SAMD15: variants seen among roughly 807,000 people sequenced by gnomAD.
SAMD15 encodes the protein sterile alpha motif domain-containing protein 15.
In SAMD15, 37 loss-of-function variants were observed where a neutral mutation model predicts 50.5. That is an observed-to-expected ratio of 0.73 (90% CI 0.56 to 0.96). The LOEUF (loss-of-function observed/expected upper bound fraction) is 0.96, where lower values mean the gene tolerates loss of function less well. Among genes scored for constraint, SAMD15 ranks in the 40% least tolerant of loss-of-function variants. The pLI is 0.00. For missense variants in SAMD15, 789 were observed against 783.8 expected (o/e 1.01, Z -0.08); for synonymous variants, 255 against 282.8 (o/e 0.90, Z 0.99).
chr14:77,378,995 A>G lies in SAMD15; in HGVS notation c.1577A>G (p.Glu526Gly), dbSNP rs1490517990. ...CAAGAGTTGAAGGAACGGGTCTCTGAAGATGACGAAACCCAGCCAGAAAAA... is the reference window on the plus strand; with the variant it reads ...CAAGAGTTGAAGGAACGGGTCTCTGGAGATGACGAAACCCAGCCAGAAAAA... Reference protein sequence around the residue: ...LSQELKERVSEDDETQPEKGT... With the variant: ...LSQELKERVSGDDETQPEKGT... The change falls in exon 1 of 3, where the codon GAA becomes GGA. Residue 526 changes from glutamate to glycine, a missense_variant. Transcript: ENST00000216471. 6.2e-7 allele frequency: 1 copy of G among 1,614,116 alleles called. No homozygotes were observed. Among genetic ancestry groups the G allele is most frequent in the African/African-American group, 1.3e-5 (1 of 74,946 alleles).
chr14:77,381,011 C>A (rs1893937353), intron 2 of SAMD15, among the ~76,000 whole-genome samples: 1 of 152,076 alleles, frequency 6.6e-6, no homozygotes. Flanking sequence ...CTGGTGCGTT[C>A]TTCTCTCTAT....
At chr14:77,389,412 C>G (rs1566702340) in intron 2 of SAMD15, among the ~76,000 whole-genome samples, 1 of 151,750 alleles carries the variant, frequency 6.6e-6, no homozygotes, top group Non-Finnish European at 1.5e-5. Flanking sequence ...GGACTGTCGT[C>G]TCATCCAGAG....
chr14:77,380,965 A>C (rs1010938269), intron 2 of SAMD15, among the ~76,000 whole-genome samples: 1 of 152,100 alleles, frequency 6.6e-6, no homozygotes, highest in African/African-American at 2.4e-5. Context: ...TTTGTGCTCC[A>C]GCCTACCACC....
intron 2 of SAMD15, among the ~76,000 whole-genome samples, chr14:77,382,716 T>G (rs1893958424): frequency 1.3e-5 from 2 of 150,356 alleles, no homozygotes; most frequent in African/African-American, 5.0e-5. Flanking sequence ...ATCCTTTATT[T>G]ATTTTATTTA....
rs1594864520 is a variant in SAMD15, at chr14:77,391,677, G to C, written c.*433G>C. ...TGGCTTCATTCCTAGTTGTGTCTCT[G>C]ACTTATGGTACCCTCCCTTTCTTTT... On this transcript the variant is annotated 3_prime_UTR_variant, in exon 3 of 3. Coordinates refer to ENST00000216471, the MANE Select transcript of SAMD15 (RefSeq NM_001010860.4). Among the ~76,000 whole-genome samples the C allele has an allele frequency of 6.6e-6, 1 of 152,208 alleles. No homozygotes were observed. The highest frequency in any genetic ancestry group is 3.4e-3 in the Middle Eastern group (1 of 294).
Position 77,390,231 on chromosome 14 carries a change from G to A in SAMD15, c.1789-777G>A, listed in dbSNP as rs181269325. Among the ~76,000 whole-genome samples, 96 of 151,590 alleles carry A rather than the reference G, an allele frequency of 6.3e-4. 1 individual carries two copies. The highest frequency in any genetic ancestry group is 2.1e-3 in the African/African-American group (85 of 41,356). Reference sequence around the variant, plus strand: ...GACTGTTCTCGAACTCCTGACTTCCGGTGATCTGCCCGCCTCTGCCTCCCA... The same window carrying A: ...GACTGTTCTCGAACTCCTGACTTCCAGTGATCTGCCCGCCTCTGCCTCCCA... On this transcript the variant is annotated intron_variant, in intron 2 of 2. Coordinates refer to ENST00000216471, the MANE Select transcript of SAMD15 (RefSeq NM_001010860.4).
At chr14:77,388,846 T>TG (rs888194953) in intron 2 of SAMD15, among the ~76,000 whole-genome samples, 28 of 152,202 alleles carry the variant, frequency 1.8e-4, no homozygotes, top group African/African-American at 6.5e-4. Flanking sequence ...TGACCTCAGG[T>TG]GATCCACCTG....
chr14:77,385,452 AT>A (rs1291162028), intron 2 of SAMD15, among the ~76,000 whole-genome samples: 3 of 150,926 alleles, frequency 2.0e-5, no homozygotes, highest in Admixed American at 2.0e-4. Flanking sequence ...TACCTGGCCA[AT>A]TTTTTTTGTA....
chr14:77,383,559 A>T (rs1324881268), intron 2 of SAMD15, among the ~76,000 whole-genome samples: 2 of 152,234 alleles, frequency 1.3e-5, no homozygotes, highest in African/African-American at 4.8e-5. Flanking sequence ...TGAGATACTC[A>T]TTATCACAGT....
rs539219101 is a variant in SAMD15 at position 77,378,123 on chromosome 14, G to A, written c.705G>A (p.Met235Ile). The change falls in exon 1 of 3, where the codon ATG becomes ATA. Residue 235 changes from methionine (M) to isoleucine (I), a missense_variant. Transcript: ENST00000216471. The part of the protein sequence containing the change: ...LEETDLQPPK[M>I]TKPETPEETQ... The stretch of plus-strand genomic sequence containing the variant: ...AGACAGATCTTCAGCCACCAAAGAT[G>A]ACCAAACCAGAGACTCCAGAGGAGA... 1 of 1,613,784 alleles carries A rather than the reference G, an allele frequency of 6.2e-7. No homozygotes were observed. The highest frequency in any genetic ancestry group is 1.3e-5 in the African/African-American group (1 of 74,978).
At position 77,380,452 on chromosome 14, in the gene SAMD15, A is replaced by T. The variant is rs1244703279; in HGVS notation, c.1759A>T (p.Met587Leu). The part of the protein sequence containing the change: ...IHVNCSNLPQ[M>L]GITNFEDMKA... ...CGTCAACTGCTCAAACCTCCCTCAG[A>T]TGGGGATAACAAACTTTGAGGACAT... The change falls in exon 2 of 3, where the codon ATG (methionine) becomes TTG (leucine). Residue 587 changes from methionine to leucine, a missense_variant. By Grantham distance (15) the Met-to-Leu change is conservative. This residue lies in a region of SAMD15 where 770 missense variants were observed against 745.4 expected (regional missense o/e 1.03). Transcript: ENST00000216471. The T allele has an allele frequency of 1.9e-6, 3 of 1,613,794 alleles. No individual in the cohort carries two copies.
At chr14:77,382,569 A>T (rs926725851) in intron 2 of SAMD15, among the ~76,000 whole-genome samples, 27 of 152,070 alleles carry the variant, frequency 1.8e-4, no homozygotes, top group African/African-American at 6.5e-4. Context: ...TTATATTCAG[A>T]TAACAAGTTT....
intron 1 of SAMD15, 115 bp downstream of exon 1, chr14:77,379,222 G>C (rs1893913558): frequency 1.0e-6 from 1 of 953,676 alleles, no homozygotes; most frequent in African/African-American, 1.6e-5. Context: ...AAAAGTCCTA[G>C]ACTGTGGTAG....
chr14:77,377,966 T>C lies in SAMD15; in HGVS notation c.548T>C (p.Leu183Ser). The C allele has an allele frequency of 6.2e-7, 1 of 1,613,942 alleles. No homozygotes were observed. Among genetic ancestry groups the C allele is most frequent in the Non-Finnish European group, 8.5e-7 (1 of 1,180,004 alleles). Reference sequence around the variant, plus strand: ...ACAGTCAGAGAGAGAAATTTAGAATTACTAGAGGAGGAGACTGAACCGGGG... The same window carrying C: ...ACAGTCAGAGAGAGAAATTTAGAATCACTAGAGGAGGAGACTGAACCGGGG... ...GATVRERNLELLEEETEPGVP... is the reference protein window; with the variant it reads ...GATVRERNLESLEEETEPGVP... The change falls in exon 1 of 3, where the codon TTA (leucine) becomes TCA (serine). Residue 183 changes from leucine to serine, a missense_variant. By Grantham distance (145) the Leu-to-Ser change is moderately radical (BLOSUM62 -2). Around this residue, in one of 2 missense-constraint regions of SAMD15, gnomAD observed 770 missense variants for 745.4 expected, o/e 1.03. Coordinates refer to ENST00000216471, the MANE Select transcript of SAMD15 (RefSeq NM_001010860.4).
chr14:77,377,987 C>T lies in SAMD15; in HGVS notation c.569C>T (p.Pro190Leu), dbSNP rs1352273199. The stretch of plus-strand genomic sequence containing the variant: ...GAATTACTAGAGGAGGAGACTGAAC[C>T]GGGGGTTCCAGAGGAATCACTTAGA... ...NLELLEEETE[P>L]GVPEESLRVQ... Residue 190 changes from proline (P) to leucine (L), a missense_variant, in exon 1 of 3, where the codon CCG (proline) becomes CTG (leucine). Transcript: ENST00000216471. 5.6e-6 allele frequency: 9 copies of T among 1,613,880 alleles called. No individual in the cohort carries two copies. The highest frequency in any genetic ancestry group is 1.6e-4 in the Middle Eastern group (1 of 6,062).
At chr14:77,384,203 C>T (rs1893979723) in intron 2 of SAMD15, among the ~76,000 whole-genome samples, 2 of 152,038 alleles carry the variant, frequency 1.3e-5, no homozygotes, top group South Asian at 4.1e-4. Context: ...CATTTATGGA[C>T]TTTTGGGAGA....
In SAMD15 at chr14:77,378,788, A is replaced by G. The variant is rs1479776361; in HGVS notation, c.1370A>G (p.Lys457Arg). 7 of 1,612,176 alleles carry G rather than the reference A, an allele frequency of 4.3e-6. 1 individual carries two copies. In the South Asian group the frequency reaches 6.6e-5, roughly 15 times the overall value. ...TTGTCACTAAGTGACAAATTTAGAAAAGAATATTACGCATTAGGATCTCTC... is the reference window on the plus strand; with the variant it reads ...TTGTCACTAAGTGACAAATTTAGAAGAGAATATTACGCATTAGGATCTCTC... Reference protein sequence around the residue: ...GKLSLSDKFRKEYYALGSLRE... With the variant: ...GKLSLSDKFRREYYALGSLRE... The change falls in exon 1 of 3, where the codon AAA becomes AGA. Residue 457 changes from lysine (K) to arginine (R), a missense_variant. Physicochemically the swap from Lys to Arg is conservative, Grantham distance 26. Transcript: ENST00000216471.
At position 77,378,333 on chromosome 14, in the gene SAMD15, T is replaced by C; in HGVS notation, c.915T>C (p.Pro305=). 1.2e-6 allele frequency: 2 copies of C among 1,612,106 alleles called. No homozygotes were observed. The highest frequency in any genetic ancestry group is 1.7e-6 in the Non-Finnish European group (2 of 1,179,566). ...KATEEKGTEL[P]ERTKPDFPDH... is the part of the protein sequence containing the mutation. ...CTGAGGAGAAAGGGACAGAACTACCTGAGCGGACTAAACCAGACTTTCCAG... is the reference window on the plus strand; with the variant it reads ...CTGAGGAGAAAGGGACAGAACTACCCGAGCGGACTAAACCAGACTTTCCAG... The change falls in exon 1 of 3, where the codon CCT becomes CCC. Residue 305 remains proline, a synonymous_variant. Coordinates refer to ENST00000216471, the MANE Select transcript of SAMD15 (RefSeq NM_001010860.4).
chr14:77,379,152 C>T lies in SAMD15; in HGVS notation c.1689+45C>T. 3 of 1,561,974 alleles carry T rather than the reference C, an allele frequency of 1.9e-6. No individual in the cohort carries two copies. In the South Asian group the frequency reaches 3.5e-5, roughly 18 times the overall value. On this transcript the variant is annotated intron_variant, in intron 1 of 2. Coordinates refer to ENST00000216471, the MANE Select transcript of SAMD15 (RefSeq NM_001010860.4). Reference sequence around the variant, plus strand: ...TTTGAAATCACATGCTGTCATCCGTCTACTTCTTATTCCTTCTAACTTGGC... The same window carrying T: ...TTTGAAATCACATGCTGTCATCCGTTTACTTCTTATTCCTTCTAACTTGGC...
Sources: gnomAD v4.1 joint callset for allele counts (sites outside exome capture counted in the v4.1 genomes callset) on GRCh38, gnomAD v4.1.1 for gene constraint, gnomAD v4.1.1 regional missense constraint, MANE v1.5 for transcripts, NCBI Gene and HGNC (gene_info 2026-07-23, HGNC 2026-07-21) for gene names.